The following TMEM178B variants were observed in gnomAD, a reference collection of about 807,000 sequenced individuals.
The protein encoded by TMEM178B is transmembrane protein 178B.
Under a neutral mutation model 31.0 loss-of-function variants are expected in TMEM178B, and 5 were observed. The ratio of observed to expected loss-of-function variants is 0.16; its 90% CI spans 0.08 to 0.34. The LOEUF (loss-of-function observed/expected upper bound fraction) is 0.34. TMEM178B is among the 10% of genes least tolerant of loss of function. The pLI is 1.00. For synonymous variants in TMEM178B, 164 were observed against 164.0 expected (o/e 1.00, Z 0.00); for missense variants, 275 against 400.3 (o/e 0.69, Z 2.67).
intron 1 of TMEM178B, among the ~76,000 whole-genome samples, chr7:141,158,803 A>T (rs1397821435): frequency 6.6e-6 from 1 of 152,074 alleles, no homozygotes; most frequent in Non-Finnish European, 1.5e-5. Context: ...CTGCATGCCG[A>T]AAGAACAAGC....
At chr7:141,111,642 C>A (rs560929260) in intron 1 of TMEM178B, among the ~76,000 whole-genome samples, 1 of 151,532 alleles carries the variant, frequency 6.6e-6, no homozygotes, top group Non-Finnish European at 1.5e-5. Context: ...TTGTGTAGAT[C>A]GGAGAAGATG....
the TMEM178B span, among the ~76,000 whole-genome samples, chr7:141,504,716 T>G: frequency 1.3e-5 from 2 of 152,266 alleles, no homozygotes; most frequent in African/African-American, 4.8e-5. Context: ...CAATAGCTTT[T>G]GGGGTACAAG....
chr7:141,411,065 TAAAAA>T (rs1044109905), intron 2 of TMEM178B, among the ~76,000 whole-genome samples: 3 of 150,872 alleles, frequency 2.0e-5, no homozygotes, highest in Non-Finnish European at 4.4e-5. Context: ...TCGAATAAAA[TAAAAA>T]AAGAAAAATT....
intron 2 of TMEM178B, among the ~76,000 whole-genome samples, chr7:141,358,570 A>G (rs1444637958): frequency 6.6e-6 from 1 of 152,074 alleles, no homozygotes; most frequent in Non-Finnish European, 1.5e-5. Context: ...ACCCTACCCT[A>G]TCTTCTCAGT....
chr7:141,285,964 G>A (rs1432144418), intron 2 of TMEM178B, among the ~76,000 whole-genome samples: 1 of 152,110 alleles, frequency 6.6e-6, no homozygotes, highest in Non-Finnish European at 1.5e-5. Context: ...CTAGGGGAGG[G>A]ATAGCATTAG....
chr7:141,380,665 G>C (rs28547288), intron 2 of TMEM178B, among the ~76,000 whole-genome samples: 20,952 of 152,192 alleles, frequency 0.14, 1,578 homozygotes, highest in Non-Finnish European at 0.17. Flanking sequence ...GTGTGTATGT[G>C]TTTGTTTTGG....
intron 2 of TMEM178B, among the ~76,000 whole-genome samples, chr7:141,419,234 C>T (rs1290037517): frequency 6.6e-6 from 1 of 151,922 alleles, no homozygotes; most frequent in Non-Finnish European, 1.5e-5. Context: ...CATCATGCCC[C>T]TCCAAAAAAA....
intron 1 of TMEM178B, among the ~76,000 whole-genome samples, chr7:141,199,778 G>A (rs570834240): frequency 2.0e-5 from 3 of 152,254 alleles, no homozygotes; most frequent in African/African-American, 7.2e-5. Context: ...TTGGCAGGGC[G>A]CAGTGGCTCA....
intron 2 of TMEM178B, among the ~76,000 whole-genome samples, chr7:141,388,614 T>TA (rs1467013155): frequency 6.6e-6 from 1 of 152,130 alleles, no homozygotes; most frequent in Non-Finnish European, 1.5e-5. Flanking sequence ...TAGAAATGGT[T>TA]AAAGAGCTAA....
intron 1 of TMEM178B, among the ~76,000 whole-genome samples, chr7:141,120,833 C>A (rs1175737771): frequency 6.6e-6 from 1 of 151,832 alleles, no homozygotes; most frequent in Non-Finnish European, 1.5e-5. Flanking sequence ...TGGCACGTAC[C>A]TGTAGTTTCG....
intron 1 of TMEM178B, among the ~76,000 whole-genome samples, chr7:141,184,559 G>A (rs1796578227): frequency 6.6e-6 from 1 of 152,156 alleles, no homozygotes; most frequent in Non-Finnish European, 1.5e-5. Context: ...GGGAGCCTCT[G>A]CTCTCCTAGT....
At position 141,074,895 on chromosome 7, in the gene TMEM178B, C is replaced by T. The variant is rs1310033520; in HGVS notation, c.382+203C>T. On this transcript the variant is annotated intron_variant, in intron 1 of 3. Transcript: ENST00000565468. This position sits in a 1 kb window ranked among gnomAD's most constrained non-coding sequence, Gnocchi z 5.1. ...AGCTTGGTGCAGGCTTAACTCTCTC[C>T]CCTGCCTCTCCTTTCGCGCGTCTCT... 3.3e-5 allele frequency among the ~76,000 whole-genome samples: 5 copies of T among 152,228 alleles called. No individual in the cohort carries two copies. Among genetic ancestry groups the T allele is most frequent in the Non-Finnish European group, 7.3e-5 (5 of 68,040 alleles).
intron 1 of TMEM178B, among the ~76,000 whole-genome samples, chr7:141,153,202 T>A (rs1301790311): frequency 6.6e-6 from 1 of 152,240 alleles, no homozygotes; most frequent in Non-Finnish European, 1.5e-5. Context: ...GTATTTTTTT[T>A]AAACAAATGG....
rs995977269 is a variant in TMEM178B at position 141,324,568 on chromosome 7, G to A, written c.496+111864G>A. 9.2e-5 allele frequency among the ~76,000 whole-genome samples: 14 copies of A among 151,792 alleles called. No homozygotes were observed. The South Asian group carries it at 1.3e-3, about 14-fold the overall frequency. ...AGCTGAGTTTCAGACTCAAAAGACCGTTGGGATGCAGCATCCCATGCCTTT... is the reference window on the plus strand; with the variant it reads ...AGCTGAGTTTCAGACTCAAAAGACCATTGGGATGCAGCATCCCATGCCTTT... On this transcript the variant is annotated intron_variant, in intron 2 of 3. Transcript: ENST00000565468.
chr7:141,137,646 A>G (rs1795697503), intron 1 of TMEM178B, among the ~76,000 whole-genome samples: 1 of 152,238 alleles, frequency 6.6e-6, no homozygotes, highest in Admixed American at 6.5e-5. Context: ...AATTTATTGT[A>G]TATTTCAAAA....
At chr7:141,293,177 A>G (rs1798576204) in intron 2 of TMEM178B, among the ~76,000 whole-genome samples, 1 of 152,162 alleles carries the variant, frequency 6.6e-6, no homozygotes, top group African/African-American at 2.4e-5. Context: ...CACACTTGAA[A>G]TGGCCTCAAA....
intron 2 of TMEM178B, among the ~76,000 whole-genome samples, chr7:141,307,832 CACTT>C (rs1264891478): frequency 3.9e-5 from 6 of 152,194 alleles, no homozygotes; most frequent in African/African-American, 1.4e-4. Context: ...CTACATGACT[CACTT>C]AATCGACATG....
chr7:141,203,810 A>G (rs7780811), intron 1 of TMEM178B, among the ~76,000 whole-genome samples: 99,492 of 151,792 alleles, frequency 0.66, 32,990 homozygotes, highest in Middle Eastern at 0.7. Flanking sequence ...AGCCTCTGGC[A>G]TGTGGTCGGC....
At chr7:141,328,078 CA>C (rs1411746110) in intron 2 of TMEM178B, among the ~76,000 whole-genome samples, 1 of 152,138 alleles carries the variant, frequency 6.6e-6, no homozygotes, top group Non-Finnish European at 1.5e-5. Context: ...TTCATAAGTG[CA>C]TCACAAGATC....
Sources: gnomAD v4.1 joint callset for allele counts (sites outside exome capture counted in the v4.1 genomes callset) on GRCh38, gnomAD v4.1.1 for gene constraint, Gnocchi (gnomAD v3.1) non-coding constraint, MANE v1.5 for transcripts, NCBI Gene and HGNC (gene_info 2026-07-23, HGNC 2026-07-21) for gene names.